Variants in ATP6V0A1 observed in about 807,000 individuals in gnomAD.
The protein encoded by ATP6V0A1 is V-type proton ATPase 116 kDa subunit a 1.
ATP6V0A1 carries 43 observed loss-of-function variants against 105.4 expected under a neutral mutation model. The observed-to-expected ratio is 0.41, with a 90% CI of 0.32 to 0.53. The LOEUF (loss-of-function observed/expected upper bound fraction) is 0.53. Ranked by LOEUF, ATP6V0A1 falls within the 20% of genes least tolerant of loss-of-function variation. The pLI is 0.30. For synonymous variants in ATP6V0A1, 362 were observed against 372.8 expected (o/e 0.97, Z 0.33); for missense variants, 676 against 1,051.1 (o/e 0.64, Z 4.93).
At position 42,478,673 on chromosome 17, in the gene ATP6V0A1, C is replaced by T. The variant is rs547526558; in HGVS notation, c.633+84C>T. On this transcript the variant is annotated intron_variant, in intron 7 of 21. Transcript: ENST00000343619. ...AACGTAGCATGGGGCCACCTGAATC[C>T]AGTGCTTCCACAGAGGAGCCATTAT... is the stretch of plus-strand genomic sequence containing the variant. 1,432 of 1,372,892 alleles carry T rather than the reference C, an allele frequency of 1.0e-3. 15 individuals are homozygous for T. The highest frequency in any genetic ancestry group is 1.7e-4 in the Non-Finnish European group (180 of 1,035,742). 85.0% of individuals were successfully genotyped at this position (1,372,892 alleles called of 1,614,324 possible).
chr17:42,461,053 T>A (rs769626654), intron 2 of ATP6V0A1, 42 bp downstream of exon 2: 1 of 1,521,680 alleles, frequency 6.6e-7, no homozygotes, highest in African/African-American at 1.4e-5. Flanking sequence ...TGCTGAACTC[T>A]ATTGCTATCG....
intron 17 of ATP6V0A1, among the ~76,000 whole-genome samples, chr17:42,504,934 C>T (rs1265559620): frequency 4.6e-5 from 7 of 152,102 alleles, no homozygotes; most frequent in Non-Finnish European, 8.8e-5. Flanking sequence ...GAAAAAGACA[C>T]ATGAGGAATT....
chr17:42,473,561 A>T (rs1399272678), intron 5 of ATP6V0A1, among the ~76,000 whole-genome samples: 1 of 152,236 alleles, frequency 6.6e-6, no homozygotes, highest in Non-Finnish European at 1.5e-5. Flanking sequence ...GTCAGAGCTC[A>T]GCTACCTTTT....
chr17:42,514,152 CT>C (rs2092492554), intron 20 of ATP6V0A1, 136 bp from the exon 21 acceptor site: 1 of 1,314,300 alleles, frequency 7.6e-7, no homozygotes, highest in Admixed American at 2.1e-5. Context: ...CAGGTTAGCT[CT>C]GCATGGTGGT....
At chr17:42,520,784 A>T in intron 21 of ATP6V0A1, 1 of 506,584 alleles carries the variant, frequency 2.0e-6, no homozygotes. Flanking sequence ...GTGCATAAAC[A>T]CACTGCTCGG....
intron 21 of ATP6V0A1, chr17:42,520,559 G>A: frequency 2.2e-6 from 1 of 456,856 alleles, no homozygotes; most frequent in Non-Finnish European, 4.4e-6. Flanking sequence ...TAAATGGAAA[G>A]CCTTCAACAT....
chr17:42,460,889 G>A lies in ATP6V0A1; in HGVS notation c.-6G>A. ...GGTACTCACTAGACTGGTACCTTCT[G>A]CCACCATGGGGGAGCTTTTCCGGAG... On this transcript the variant is annotated 5_prime_UTR_variant, in exon 2 of 22. Coordinates refer to ENST00000343619, the MANE Select transcript of ATP6V0A1 (RefSeq NM_001130021.3). 6.2e-7 allele frequency: 1 copy of A among 1,610,568 alleles called. No individual in the cohort carries two copies. Among genetic ancestry groups the A allele is most frequent in the Non-Finnish European group, 8.5e-7 (1 of 1,176,798 alleles).
chr17:42,487,602 C>T (rs111952866), intron 10 of ATP6V0A1, among the ~76,000 whole-genome samples: 1 of 152,076 alleles, frequency 6.6e-6, no homozygotes, highest in African/African-American at 2.4e-5. Flanking sequence ...TTGGCAGGCG[C>T]CTGTAGTCCC....
intron 20 of ATP6V0A1, 39 bp downstream of exon 20, chr17:42,514,017 C>T (rs1156262251): frequency 6.3e-7 from 1 of 1,585,446 alleles, no homozygotes; most frequent in South Asian, 1.1e-5. Context: ...TCTAGTTTCC[C>T]CCTCTGTGGG....
chr17:42,491,486 T>A (rs921665362), intron 11 of ATP6V0A1, among the ~76,000 whole-genome samples: 2 of 151,734 alleles, frequency 1.3e-5, no homozygotes, highest in African/African-American at 4.8e-5. Flanking sequence ...AATTTTTTTT[T>A]TATTTTTTTT....
chr17:42,488,715 G>A (rs1433028753), intron 10 of ATP6V0A1, among the ~76,000 whole-genome samples: 2 of 151,678 alleles, frequency 1.3e-5, no homozygotes, highest in Non-Finnish European at 2.9e-5. Context: ...TGCCTTCCTT[G>A]GCCTTCCAAA....
chr17:42,511,977 A>G (rs2092366122), intron 19 of ATP6V0A1, among the ~76,000 whole-genome samples: 2 of 152,034 alleles, frequency 1.3e-5, no homozygotes, highest in Non-Finnish European at 2.9e-5. Context: ...AAAAAGTAAC[A>G]ACTGGGAGGT....
chr17:42,508,315 C>T (rs375030075), intron 18 of ATP6V0A1, among the ~76,000 whole-genome samples: 4 of 152,352 alleles, frequency 2.6e-5, no homozygotes, highest in African/African-American at 9.6e-5. Flanking sequence ...TTCAGTCTGT[C>T]TGACCACTTT....
Position 42,495,132 on chromosome 17 carries a change from T to G in ATP6V0A1, c.1413T>G (p.Ser471=). The change falls in exon 13 of 22, where the codon TCT becomes TCG. Residue 471 remains serine, a synonymous_variant. Coordinates refer to ENST00000343619, the MANE Select transcript of ATP6V0A1 (RefSeq NM_001130021.3). ...TCTACAATGATTGCTTTTCCAAGTC[T>G]CTTAATATCTTTGGGTCATCCTGGA... is the stretch of plus-strand genomic sequence containing the variant. ...GLIYNDCFSK[S]LNIFGSSWSV... 6.2e-7 allele frequency: 1 copy of G among 1,614,176 alleles called. No individual in the cohort carries two copies. Among genetic ancestry groups the G allele is most frequent in the Non-Finnish European group, 8.5e-7 (1 of 1,180,006 alleles).
At chr17:42,468,145 A>G (rs748123553) in intron 4 of ATP6V0A1, 38 bp downstream of exon 4, 2 of 1,399,752 alleles carry the variant, frequency 1.4e-6, no homozygotes, top group Non-Finnish European at 2.0e-6. Flanking sequence ...GTTTCTTTCT[A>G]CTTGAACGCA....
chr17:42,484,579 T>A (rs530303883), intron 9 of ATP6V0A1, among the ~76,000 whole-genome samples: 7 of 152,212 alleles, frequency 4.6e-5, no homozygotes, highest in African/African-American at 1.7e-4. Context: ...AAGAAGAGAC[T>A]GTGTTGGAGT....
chr17:42,461,835 T>G (rs1047231646), intron 2 of ATP6V0A1, among the ~76,000 whole-genome samples: 2 of 151,952 alleles, frequency 1.3e-5, no homozygotes, highest in Admixed American at 1.3e-4. Flanking sequence ...TGGTCCTATG[T>G]TGTCCCTCTG....
chr17:42,471,841 G>A (rs1251923974), intron 5 of ATP6V0A1, among the ~76,000 whole-genome samples: 1 of 152,098 alleles, frequency 6.6e-6, no homozygotes, highest in African/African-American at 2.4e-5. Flanking sequence ...ACTCAGTCTG[G>A]GGAGGAGTCT....
At chr17:42,512,123 G>A (rs189818621) in intron 19 of ATP6V0A1, among the ~76,000 whole-genome samples, 5 of 152,320 alleles carry the variant, frequency 3.3e-5, no homozygotes, top group Admixed American at 6.5e-5. Flanking sequence ...GCGATTCATG[G>A]TTGGTCATGG....
Sources: gnomAD v4.1 joint callset for allele counts (sites outside exome capture counted in the v4.1 genomes callset) on GRCh38, gnomAD v4.1.1 for gene constraint, MANE v1.5 for transcripts, NCBI Gene and HGNC (gene_info 2026-07-23, HGNC 2026-07-21) for gene names.